TARP: variants seen among roughly 807,000 people sequenced by gnomAD.
the TARP span, chr7:38,259,645 C>T: frequency 6.2e-6 from 1 of 160,416 alleles, no homozygotes; most frequent in Non-Finnish European, 1.4e-5. Context: ...CAAAAGTCAA[C>T]TTTTCATTTT....
the TARP span, among the ~76,000 whole-genome samples, chr7:38,264,571 A>G: frequency 6.6e-6 from 1 of 150,960 alleles, no homozygotes; most frequent in Non-Finnish European, 1.5e-5. Flanking sequence ...TGCTTGGGCA[A>G]CAAGAGTGAA....
the TARP span, chr7:38,269,459 C>T: frequency 1.4e-6 from 1 of 722,784 alleles, no homozygotes; most frequent in Non-Finnish European, 2.5e-6. Flanking sequence ...CCCTCTATTA[C>T]CTTGGAAATG....
the TARP span, among the ~76,000 whole-genome samples, chr7:38,272,408 T>G: frequency 8.8e-5 from 13 of 147,864 alleles, no homozygotes; most frequent in Non-Finnish European, 1.5e-4. Flanking sequence ...AAGTTTCAAC[T>G]TTGTTCTGGT....
chr7:38,273,525 C>T, the TARP span: 17 of 1,312,686 alleles, frequency 1.3e-5, no homozygotes, highest in Non-Finnish European at 1.7e-5. Flanking sequence ...GAATTCTGAG[C>T]CAGCTCCTGC....
At chr7:38,261,012 T>C in the TARP span, among the ~76,000 whole-genome samples, 7 of 152,068 alleles carry the variant, frequency 4.6e-5, no homozygotes, top group South Asian at 4.2e-4. Flanking sequence ...AGATGCCCTA[T>C]GCCAGACATC....
chr7:38,262,106 AT>A, the TARP span: 1 of 1,410,858 alleles, frequency 7.1e-7, no homozygotes, highest in Non-Finnish European at 1.0e-6. Flanking sequence ...CCATTCCCTG[AT>A]TTTTCAAGCC....
chr7:38,265,337 G>C, the TARP span: 1 of 1,591,752 alleles, frequency 6.3e-7, no homozygotes, highest in Non-Finnish European at 8.6e-7. Flanking sequence ...GATGATATGC[G>C]TAAACACATA....
At chr7:38,263,377 G>T in the TARP span, among the ~76,000 whole-genome samples, 2 of 152,032 alleles carry the variant, frequency 1.3e-5, 1 homozygote, top group South Asian at 4.2e-4. Context: ...GGGAAGAAAA[G>T]AAATTGGACA....
chr7:38,269,737 C>T, the TARP span, among the ~76,000 whole-genome samples: 1 of 151,922 alleles, frequency 6.6e-6, no homozygotes, highest in Non-Finnish European at 1.5e-5. Flanking sequence ...GTTTCAAAAT[C>T]AGTTCAACAT....
the TARP span, among the ~76,000 whole-genome samples, chr7:38,260,994 G>A: frequency 6.6e-6 from 1 of 151,828 alleles, no homozygotes; most frequent in East Asian, 1.9e-4. Flanking sequence ...TTCTGTGTCT[G>A]CTAAATGAGA....
At chr7:38,268,029 C>T in the TARP span, among the ~76,000 whole-genome samples, 32 of 151,146 alleles carry the variant, frequency 2.1e-4, no homozygotes, top group Non-Finnish European at 3.1e-4. Context: ...TAGTAGTTAA[C>T]GAATCATTAA....
At chr7:38,272,038 A>G in the TARP span, among the ~76,000 whole-genome samples, 2 of 151,356 alleles carry the variant, frequency 1.3e-5, no homozygotes, top group African/African-American at 4.9e-5. Context: ...AAAATGAAAA[A>G]TCACCTTGTA....
the TARP span, among the ~76,000 whole-genome samples, chr7:38,260,573 G>A: frequency 6.6e-6 from 1 of 151,102 alleles, no homozygotes; most frequent in Admixed American, 6.6e-5. Context: ...TCTAATTATG[G>A]CTATGCTATT....
chr7:38,272,743 A>G, the TARP span, among the ~76,000 whole-genome samples: 1,871 of 150,482 alleles, frequency 0.012, 42 homozygotes, highest in African/African-American at 0.043. Flanking sequence ...TCGAGAAACA[A>G]AGTCCATACC....
chr7:38,266,929 C>T, the TARP span, among the ~76,000 whole-genome samples: 12 of 151,676 alleles, frequency 7.9e-5, no homozygotes, highest in East Asian at 1.9e-4. Context: ...TCTGCAGTAA[C>T]GCACTTATCA....
At chr7:38,264,154 A>G in the TARP span, among the ~76,000 whole-genome samples, 1 of 151,948 alleles carries the variant, frequency 6.6e-6, no homozygotes, top group Non-Finnish European at 1.5e-5. Context: ...TTCATTGATT[A>G]TATAATATGA....
At chr7:38,271,558 G>A in the TARP span, among the ~76,000 whole-genome samples, 1 of 151,174 alleles carries the variant, frequency 6.6e-6, no homozygotes, top group Non-Finnish European at 1.5e-5. Flanking sequence ...GAAAAAAAAA[G>A]GCAAAGAAAT....
At chr7:38,268,318 C>A in the TARP span, among the ~76,000 whole-genome samples, 1 of 151,172 alleles carries the variant, frequency 6.6e-6, no homozygotes. Context: ...TATTAAAATG[C>A]AGCATTGTAA....
At chr7:38,270,260 G>T in the TARP span, among the ~76,000 whole-genome samples, 1 of 151,890 alleles carries the variant, frequency 6.6e-6, no homozygotes, top group Non-Finnish European at 1.5e-5. Flanking sequence ...TTTTGGAGTG[G>T]CAGTTAAATC....
Sources: allele counts gnomAD v4.1 joint callset (sites outside exome capture counted in the v4.1 genomes callset), GRCh38; gene constraint gnomAD v4.1.1; transcripts MANE v1.5.